NCKAP1L: variants seen among roughly 807,000 people sequenced by gnomAD.
The protein encoded by NCKAP1L is nck-associated protein 1-like.
In NCKAP1L, 53 loss-of-function variants were observed where a neutral mutation model predicts 139.2. That is an observed-to-expected ratio of 0.38 (90% CI 0.31 to 0.48). The LOEUF (loss-of-function observed/expected upper bound fraction) is 0.48, where lower values mean the gene tolerates loss of function less well. NCKAP1L is among the 20% of genes least tolerant of loss of function. NCKAP1L has a pLI of 0.98. For missense variants in NCKAP1L, 1,151 were observed against 1,381.9 expected (o/e 0.83, Z 2.65); for synonymous variants, 468 against 499.7 (o/e 0.94, Z 0.85).
chr12:54,521,246 C>A lies in NCKAP1L; in HGVS notation c.1878+8C>A. 1 of 1,613,676 alleles carries A rather than the reference C, an allele frequency of 6.2e-7. No individual in the cohort carries two copies. Among genetic ancestry groups the A allele is most frequent in the Non-Finnish European group, 8.5e-7 (1 of 1,179,714 alleles). On this transcript the variant is annotated splice_region_variant and intron_variant, in intron 18 of 30. Transcript: ENST00000293373. Reference sequence around the variant, plus strand: ...CGAAACCTGAGCGAGCAGGTAGACTCAGCCCTCTCTGTTTCACTCTCCCCT... The same window carrying A: ...CGAAACCTGAGCGAGCAGGTAGACTAAGCCCTCTCTGTTTCACTCTCCCCT...
chr12:54,511,574 T>G (rs1479512708), intron 7 of NCKAP1L, among the ~76,000 whole-genome samples: 2 of 152,128 alleles, frequency 1.3e-5, no homozygotes, highest in African/African-American at 4.8e-5. Flanking sequence ...GTCTGGCTAA[T>G]TTTTAAATTT....
intron 3 of NCKAP1L, among the ~76,000 whole-genome samples, chr12:54,507,059 C>T (rs997939620): frequency 4.6e-5 from 7 of 151,412 alleles, no homozygotes; most frequent in African/African-American, 1.7e-4. Context: ...GGGAATATTA[C>T]CTCAATTTTG....
intron 9 of NCKAP1L, among the ~76,000 whole-genome samples, chr12:54,513,401 T>G (rs1036029706): frequency 6.6e-6 from 1 of 152,166 alleles, no homozygotes; most frequent in Non-Finnish European, 1.5e-5. Flanking sequence ...AGGTCTGGAT[T>G]CAGATAAAGA....
At chr12:54,534,961 ACT>A (rs1363372962) in intron 26 of NCKAP1L, 141 bp from the exon 27 acceptor site, 2 of 521,060 alleles carry the variant, frequency 3.8e-6, no homozygotes, top group Non-Finnish European at 6.6e-6. Context: ...AAATAGCGAG[ACT>A]CTCTCTTTCT....
intron 11 of NCKAP1L, among the ~76,000 whole-genome samples, chr12:54,517,224 AT>A (rs1956940658): frequency 6.6e-6 from 1 of 152,146 alleles, no homozygotes; most frequent in South Asian, 2.1e-4. Flanking sequence ...CTTATCCTCT[AT>A]TTGAGTGTGA....
chr12:54,515,854 G>A (rs1956925906), intron 9 of NCKAP1L, among the ~76,000 whole-genome samples: 1 of 152,196 alleles, frequency 6.6e-6, no homozygotes, highest in South Asian at 2.1e-4. Flanking sequence ...AGCAGGGCCT[G>A]TGTTGTATTT....
rs768831498 is a variant in NCKAP1L at position 54,511,919 on chromosome 12, TCTTCCTCTGCA to T, written c.785-27_785-17del. On this transcript the variant is annotated intron_variant, in intron 8 of 30. Coordinates refer to ENST00000293373, the MANE Select transcript of NCKAP1L (RefSeq NM_005337.5). ...TTATATGAAGAACAAGTTCTAAAAGTCTTCCTCTGCACTGTTTTCCCACCTACAGTTGGGTT... is the reference window on the plus strand; with the variant it reads ...TTATATGAAGAACAAGTTCTAAAAGTCTGTTTTCCCACCTACAGTTGGGTT... 1 of 1,614,174 alleles carries T rather than the reference TCTTCCTCTGCA, an allele frequency of 6.2e-7. No homozygotes were observed. Among genetic ancestry groups the T allele is most frequent in the Middle Eastern group, 1.6e-4 (1 of 6,062 alleles).
In NCKAP1L at chr12:54,546,361, CAAAA is replaced by C. The variant is rs562953058; in HGVS notation, c.*3694_*3697del. The stretch of plus-strand genomic sequence containing the variant: ...GGTGACAGAGCAAGATCCTGTCTCA[CAAAA>C]AAAAAAAAAAAAAAAAATGCAGAAG... On this transcript the variant is annotated 3_prime_UTR_variant, in exon 31 of 31. Coordinates refer to ENST00000293373, the MANE Select transcript of NCKAP1L (RefSeq NM_005337.5). 3 of 100,426 alleles carry C rather than the reference CAAAA, an allele frequency of 3.0e-5. No individual in the cohort carries two copies. Among genetic ancestry groups the C allele is most frequent in the Non-Finnish European group, 3.8e-5 (2 of 53,276 alleles). 6.2% of individuals were successfully genotyped at this position (100,426 alleles called of 1,614,324 possible).
chr12:54,508,359 T>C, intron 4 of NCKAP1L, 30 bp from the exon 5 acceptor site: 1 of 1,613,258 alleles, frequency 6.2e-7, no homozygotes, highest in Non-Finnish European at 8.5e-7. Flanking sequence ...GGCCATGCTG[T>C]CCTTGGGTTC....
intron 28 of NCKAP1L, chr12:54,536,571 T>C (rs1020647462): frequency 3.1e-6 from 1 of 317,632 alleles, no homozygotes; most frequent in South Asian, 3.1e-5. Context: ...GGTAGGAGGA[T>C]GGCTTGAGCC....
chr12:54,516,340 ATCTCTTC>A, intron 10 of NCKAP1L, 45 bp downstream of exon 10: 1 of 1,573,130 alleles, frequency 6.4e-7, no homozygotes, highest in East Asian at 2.2e-5. Flanking sequence ...TGGAATAGGA[ATCTCTTC>A]TCACTTTTGT....
At chr12:54,515,890 A>C (rs918413165) in intron 9 of NCKAP1L, among the ~76,000 whole-genome samples, 1 of 152,222 alleles carries the variant, frequency 6.6e-6, no homozygotes, top group African/African-American at 2.4e-5. Flanking sequence ...TAACCCCCTC[A>C]AACCTGGAAG....
chr12:54,500,122 T>G (rs1196211039), intron 2 of NCKAP1L, among the ~76,000 whole-genome samples: 1 of 28,406 alleles, frequency 3.5e-5, no homozygotes, highest in Non-Finnish European at 5.0e-5. Context: ...TTTTCTTTTC[T>G]TTTCTTTTTT....
At chr12:54,534,759 T>C (rs1174832057) in intron 26 of NCKAP1L, among the ~76,000 whole-genome samples, 2 of 152,034 alleles carry the variant, frequency 1.3e-5, no homozygotes, top group African/African-American at 4.8e-5. Context: ...TACGATGGAG[T>C]GTCCCAAAGG....
chr12:54,542,412 C>T (rs1957164990), intron 30 of NCKAP1L, among the ~76,000 whole-genome samples, 163 bp from the exon 31 acceptor site: 2 of 152,116 alleles, frequency 1.3e-5, no homozygotes, highest in South Asian at 4.2e-4. Context: ...ACATTGCCTT[C>T]CTGCAGCCAA....
chr12:54,518,889 T>G (rs1227591371), intron 14 of NCKAP1L, 25 bp from the exon 15 acceptor site: 1 of 1,607,592 alleles, frequency 6.2e-7, no homozygotes, highest in East Asian at 2.2e-5. Flanking sequence ...TATTGTTTCC[T>G]TTTATACTTC....
chr12:54,513,095 A>G (rs1956901464), intron 9 of NCKAP1L, among the ~76,000 whole-genome samples: 2 of 152,204 alleles, frequency 1.3e-5, no homozygotes, highest in Admixed American at 6.5e-5. Context: ...GGGGAGTGAC[A>G]TGATCATATT....
chr12:54,526,874 T>A, intron 21 of NCKAP1L, 128 bp downstream of exon 21: 1 of 732,822 alleles, frequency 1.4e-6, no homozygotes, highest in Non-Finnish European at 2.3e-6. Context: ...GGGTTGCTTC[T>A]CCTTGAGGAA....
rs375296792 is a variant in NCKAP1L, at chr12:54,524,081, C to T, written c.2156+125C>T. ...CATTCATCCTGGTGGTCATGCCACACGGTGGAGATTCTGTTGCAGTCAGTC... is the reference window on the plus strand; with the variant it reads ...CATTCATCCTGGTGGTCATGCCACATGGTGGAGATTCTGTTGCAGTCAGTC... On this transcript the variant is annotated intron_variant, in intron 20 of 30. Coordinates refer to ENST00000293373, the MANE Select transcript of NCKAP1L (RefSeq NM_005337.5). The T allele has an allele frequency of 3.7e-5, 37 of 993,678 alleles. 1 individual carries two copies. Among genetic ancestry groups the T allele is most frequent in the African/African-American group, 1.6e-4 (10 of 61,782 alleles). The allele number at this position is 993,678 out of a possible 1,614,324, so 61.6% of individuals were successfully genotyped here. A position where few individuals can be genotyped will look rare whatever the true frequency, so the allele number is the denominator to read the frequency against.
Sources: gnomAD v4.1 joint callset for allele counts (sites outside exome capture counted in the v4.1 genomes callset) on GRCh38, gnomAD v4.1.1 for gene constraint, MANE v1.5 for transcripts, NCBI Gene and HGNC (gene_info 2026-07-23, HGNC 2026-07-21) for gene names.